LRP1B: variants seen among roughly 807,000 people sequenced by gnomAD.
LRP1B encodes the protein LDL receptor related protein 1B.
A neutral mutation model predicts 556.6 loss-of-function variants in LRP1B; 217 were observed. The observed-to-expected ratio is 0.39, with a 90% confidence interval of 0.35 to 0.44. The LOEUF is 0.44. Among genes scored for constraint, LRP1B ranks in the 20% least tolerant of loss-of-function variants. LRP1B has a pLI of 1.00. For synonymous variants in LRP1B, 2,047 were observed against 1,865.8 expected, an observed-to-expected ratio of 1.10 and a Z score of -2.50; for missense variants, 5,053 against 5,620.8, an observed-to-expected ratio of 0.90 and a Z score of 3.23.
chr2:141,870,359 C>T (rs561152317), intron 1 of LRP1B, among the ~76,000 whole-genome samples: 1 of 151,960 alleles, frequency 6.6e-6, no homozygotes, highest in East Asian at 1.9e-4. Flanking sequence ...TGATTCTAGC[C>T]TTTATACCAG....
At chr2:140,602,729 T>A (rs968021707) in intron 41 of LRP1B, among the ~76,000 whole-genome samples, 4 of 74,096 alleles carry the variant, frequency 5.4e-5, no homozygotes, top group Non-Finnish European at 1.3e-4. Context: ...TTGAACAATG[T>A]TTTTTTTCAT....
rs1379030506 is a variant in LRP1B, at chr2:140,457,524, C to A, written c.9753G>T (p.Leu3251=). 6.2e-7 allele frequency: 1 copy of A among 1,613,802 alleles called. No homozygotes were observed. The highest frequency in any genetic ancestry group is 8.5e-7 in the Non-Finnish European group (1 of 1,179,796). The part of the protein sequence containing the change: ...HKTSGADRLS[L]IYSWHAITDI... ...CTGTGATGGCATGCCATGAGTAAAT[C>A]AGTGAGAGTCTGTCTGCTCCCGATG... Residue 3251 remains leucine, a synonymous_variant, in exon 61 of 91, where the codon CTG becomes CTT. Transcript: ENST00000389484.
At chr2:140,638,402 T>C (rs1684151598) in intron 41 of LRP1B, among the ~76,000 whole-genome samples, 1 of 152,152 alleles carries the variant, frequency 6.6e-6, no homozygotes, top group Admixed American at 6.5e-5. Context: ...TTCAGGTAAT[T>C]CTGTGGCGAG....
chr2:142,036,885 A>G (rs905340350), intron 1 of LRP1B, among the ~76,000 whole-genome samples: 1 of 151,670 alleles, frequency 6.6e-6, no homozygotes, highest in African/African-American at 2.4e-5. Context: ...ACCCATTGTA[A>G]TACCTTTATT....
intron 17 of LRP1B, among the ~76,000 whole-genome samples, chr2:140,988,100 C>G (rs1280923699): frequency 6.6e-6 from 1 of 152,080 alleles, no homozygotes; most frequent in Non-Finnish European, 1.5e-5. Flanking sequence ...AGCTAATATG[C>G]AGGATAATAT....
At chr2:140,914,649 G>T (rs904658165) in intron 21 of LRP1B, among the ~76,000 whole-genome samples, 1 of 152,158 alleles carries the variant, frequency 6.6e-6, no homozygotes, top group African/African-American at 2.4e-5. Context: ...TACAATGCTG[G>T]ACACATATTA....
In LRP1B at chr2:140,356,376, T is replaced by C; in HGVS notation, c.11496A>G (p.Gly3832=). ...GTCTGTTTTTCATGTTTCTCTGAAATCCAGGCTTACAGCGACAGAAAACAG... is the reference window on the plus strand; with the variant it reads ...GTCTGTTTTTCATGTTTCTCTGAAACCCAGGCTTACAGCGACAGAAAACAG... ...KTSVFCRCKP[G]FQRNMKNRQC... is the part of the protein sequence containing the mutation. The change falls in exon 75 of 91, where the codon GGA becomes GGG. Residue 3832 remains glycine, a synonymous_variant. Coordinates refer to ENST00000389484, the MANE Select transcript of LRP1B (RefSeq NM_018557.3). The C allele has an allele frequency of 6.2e-7, 1 of 1,611,094 alleles. No individual in the cohort carries two copies. Among genetic ancestry groups the C allele is most frequent in the Non-Finnish European group, 8.5e-7 (1 of 1,177,958 alleles).
intron 2 of LRP1B, among the ~76,000 whole-genome samples, chr2:141,629,937 T>C (rs917686246): frequency 2.0e-5 from 3 of 151,940 alleles, no homozygotes; most frequent in African/African-American, 7.2e-5. Context: ...AGATCAGGCA[T>C]GAGAGAAGAG....
chr2:140,783,362 C>G (rs543187588), intron 32 of LRP1B, among the ~76,000 whole-genome samples: 1 of 132,112 alleles, frequency 7.6e-6, no homozygotes, highest in East Asian at 2.2e-4. Context: ...GAGTAGTTTA[C>G]TAGGATATAC....
At chr2:140,519,430 C>A (rs561553058) in intron 49 of LRP1B, among the ~76,000 whole-genome samples, 1 of 152,274 alleles carries the variant, frequency 6.6e-6, no homozygotes, top group African/African-American at 2.4e-5. Context: ...GAAACTGGAT[C>A]CCTTCCTTAC....
chr2:141,728,746 C>T (rs1026198106), intron 2 of LRP1B, among the ~76,000 whole-genome samples: 3 of 152,152 alleles, frequency 2.0e-5, no homozygotes, highest in African/African-American at 7.2e-5. Context: ...ATATTATAGA[C>T]ATGCTGATAA....
rs1681181214 is a variant in LRP1B, at chr2:140,246,700, A to G, written c.13324+386T>C. 1.3e-5 allele frequency among the ~76,000 whole-genome samples: 2 copies of G among 151,482 alleles called. 1 individual carries two copies. Among genetic ancestry groups the G allele is most frequent in the South Asian group, 4.1e-4 (2 of 4,826 alleles). On this transcript the variant is annotated intron_variant, in intron 87 of 90. Transcript: ENST00000389484. ...CTTTCTCCCCCCAAGACACATTGAA[A>G]TGCATTCCAAGACAATACACTTTGC...
intron 1 of LRP1B, among the ~76,000 whole-genome samples, chr2:141,926,230 C>G (rs183795988): frequency 2.6e-5 from 4 of 152,102 alleles, no homozygotes; most frequent in Non-Finnish European, 5.9e-5. Context: ...ATCCTTGTTG[C>G]GAGAAAGCTA....
chr2:142,005,692 AG>A (rs1702778306), intron 1 of LRP1B, among the ~76,000 whole-genome samples: 1 of 152,150 alleles, frequency 6.6e-6, no homozygotes, highest in Non-Finnish European at 1.5e-5. Flanking sequence ...CTTTATTAAA[AG>A]GGTTGTTAAA....
rs144247501 is a variant in LRP1B, at chr2:140,432,903, T to A, written c.10414+9601A>T. On this transcript the variant is annotated intron_variant, in intron 66 of 90. Transcript: ENST00000389484. The stretch of plus-strand genomic sequence containing the variant: ...TTGTAGTTGGGATTCAGAAACTAAT[T>A]ACCAAGAAGATTAAAATAGAAACAG... 4.3e-3 allele frequency among the ~76,000 whole-genome samples: 662 copies of A among 152,324 alleles called. 6 individuals are homozygous for A. The highest frequency in any genetic ancestry group is 0.016 in the African/African-American group (645 of 41,570).
intron 4 of LRP1B, among the ~76,000 whole-genome samples, chr2:141,253,008 C>G (rs1005982396): frequency 1.9e-4 from 29 of 152,150 alleles, no homozygotes; most frequent in African/African-American, 6.8e-4. Context: ...TTAATTAACA[C>G]TCAGGAATCT....
At chr2:141,824,322 G>A (rs762139000) in intron 1 of LRP1B, among the ~76,000 whole-genome samples, 25 of 152,164 alleles carry the variant, frequency 1.6e-4, no homozygotes, top group Non-Finnish European at 2.9e-4. Context: ...CAACTAGCAA[G>A]ATCAGGATAT....
intron 27 of LRP1B, among the ~76,000 whole-genome samples, chr2:140,852,966 C>T: frequency 6.6e-6 from 1 of 151,904 alleles, no homozygotes; most frequent in East Asian, 1.9e-4. Context: ...ATTCTTGTAG[C>T]CCCATCAAGA....
intron 7 of LRP1B, among the ~76,000 whole-genome samples, chr2:141,105,009 G>A (rs1032077644): frequency 3.3e-5 from 5 of 151,920 alleles, no homozygotes; most frequent in African/African-American, 1.2e-4. Context: ...GATTCATAAG[G>A]CTCTTATAAT....
Sources: allele counts gnomAD v4.1 joint callset (sites outside exome capture counted in the v4.1 genomes callset), GRCh38; gene constraint gnomAD v4.1.1; transcripts MANE v1.5; gene names NCBI Gene and HGNC (gene_info 2026-07-23, HGNC 2026-07-21).